KIF6: variants seen among roughly 807,000 people sequenced by gnomAD.
The protein encoded by KIF6 is kinesin-like protein KIF6.
KIF6 carries 106 observed loss-of-function variants against 112.7 expected under a neutral mutation model. The ratio of observed to expected loss-of-function variants is 0.94; its 90% CI spans 0.80 to 1.11. KIF6 has a LOEUF of 1.11. KIF6 is among the 50% of genes least tolerant of loss of function. The pLI, the probability that KIF6 is intolerant of heterozygous loss-of-function variation, is 0.00. For synonymous variants in KIF6, 339 were observed against 339.9 expected (o/e 1.00, Z 0.03); for missense variants, 929 against 964.0 (o/e 0.96, Z 0.48).
chr6:39,704,106 C>T (rs1789041759), intron 3 of KIF6, among the ~76,000 whole-genome samples: 1 of 152,060 alleles, frequency 6.6e-6, no homozygotes, highest in African/African-American at 2.4e-5. Context: ...GAAAAACATT[C>T]ATAACTTGGT....
chr6:39,603,301 G>T, intron 6 of KIF6, among the ~76,000 whole-genome samples: 1 of 152,116 alleles, frequency 6.6e-6, no homozygotes, highest in South Asian at 2.1e-4. Flanking sequence ...ATGCTGCTTT[G>T]TTAGGACACT....
intron 3 of KIF6, among the ~76,000 whole-genome samples, chr6:39,670,254 C>T (rs998132962): frequency 1.3e-5 from 2 of 152,170 alleles, no homozygotes; most frequent in Non-Finnish European, 1.5e-5. Context: ...CTGTTTTAGA[C>T]TACAGATATT....
chr6:39,541,407 C>A (rs1778779221), intron 12 of KIF6, among the ~76,000 whole-genome samples: 1 of 152,228 alleles, frequency 6.6e-6, no homozygotes, highest in Admixed American at 6.5e-5. Flanking sequence ...AAGAACAGGG[C>A]TCTGGCCGAA....
intron 14 of KIF6, among the ~76,000 whole-genome samples, chr6:39,429,712 T>G (rs767301987): frequency 6.6e-6 from 1 of 152,082 alleles, no homozygotes; most frequent in African/African-American, 2.4e-5. Flanking sequence ...GATGAGACCA[T>G]CGTGGCTAAC....
At chr6:39,671,194 TG>T (rs918001911) in intron 3 of KIF6, among the ~76,000 whole-genome samples, 22 of 152,282 alleles carry the variant, frequency 1.4e-4, no homozygotes, top group Middle Eastern at 6.8e-3. Context: ...TTACTTCCGT[TG>T]GGGTGACTGG....
chr6:39,382,154 T>C lies in KIF6; in HGVS notation c.1861+3468A>G, dbSNP rs189019219. 3.5e-3 allele frequency among the ~76,000 whole-genome samples: 537 copies of C among 152,358 alleles called. 1 individual carries two copies. Among genetic ancestry groups the C allele is most frequent in the Middle Eastern group, 0.014 (4 of 294 alleles). On this transcript the variant is annotated intron_variant, in intron 16 of 22. Coordinates refer to ENST00000287152, the MANE Select transcript of KIF6 (RefSeq NM_145027.6). ...GTGGTATTTTTCACATCATTGTTTGTTTATTTTTAAATTTCCATTTTTAAA... is the reference window on the plus strand; with the variant it reads ...GTGGTATTTTTCACATCATTGTTTGCTTATTTTTAAATTTCCATTTTTAAA...
At chr6:39,616,083 TA>T (rs1194335789) in intron 5 of KIF6, among the ~76,000 whole-genome samples, 2 of 152,260 alleles carry the variant, frequency 1.3e-5, no homozygotes, top group Non-Finnish European at 2.9e-5. Flanking sequence ...TATGGAATTC[TA>T]AGCATGCTCA....
At chr6:39,372,351 C>A (rs905468046) in intron 16 of KIF6, among the ~76,000 whole-genome samples, 1 of 152,146 alleles carries the variant, frequency 6.6e-6, no homozygotes, top group African/African-American at 2.4e-5. Flanking sequence ...TAAGTCCCTA[C>A]CAAAAATTAC....
At chr6:39,631,508 T>G (rs1582316547) in intron 5 of KIF6, among the ~76,000 whole-genome samples, 1 of 152,124 alleles carries the variant, frequency 6.6e-6, no homozygotes, top group African/African-American at 2.4e-5. Context: ...TAAATACTAT[T>G]TCTGAGCTTC....
chr6:39,440,383 TGC>T (rs956158947), intron 13 of KIF6, among the ~76,000 whole-genome samples: 5 of 152,080 alleles, frequency 3.3e-5, no homozygotes, highest in African/African-American at 1.2e-4. Context: ...AATCTGGAGG[TGC>T]ATACAAGAAT....
At chr6:39,643,737 G>C (rs1235252671) in intron 3 of KIF6, among the ~76,000 whole-genome samples, 1 of 152,050 alleles carries the variant, frequency 6.6e-6, no homozygotes, top group African/African-American at 2.4e-5. Flanking sequence ...GAAAACTTAG[G>C]AGTAAATCTT....
At position 39,567,743 on chromosome 6, in the gene KIF6, G is replaced by A. The variant is rs60697193; in HGVS notation, c.1181+10313C>T. On this transcript the variant is annotated intron_variant, in intron 10 of 22. Transcript: ENST00000287152. ...CTGCCTCAGCCTCCCGAGTAGCTGGGACTACAGGCACCCACCACCGCGCCT... is the reference window on the plus strand; with the variant it reads ...CTGCCTCAGCCTCCCGAGTAGCTGGAACTACAGGCACCCACCACCGCGCCT... Among the ~76,000 whole-genome samples the A allele has an allele frequency of 2.6e-4, 40 of 152,218 alleles. 1 individual carries two copies. The East Asian group carries it at 7.7e-3, about 29-fold the overall frequency.
intron 22 of KIF6, among the ~76,000 whole-genome samples, chr6:39,339,671 T>C (rs1763213104): frequency 6.6e-6 from 1 of 151,674 alleles, no homozygotes; most frequent in African/African-American, 2.4e-5. Flanking sequence ...TCCTCAGACA[T>C]AAAAACTGTC....
At chr6:39,433,704 C>T (rs764244792) in intron 13 of KIF6, among the ~76,000 whole-genome samples, 7 of 152,170 alleles carry the variant, frequency 4.6e-5, no homozygotes, top group Admixed American at 6.5e-5. Flanking sequence ...GTGGCTGAAG[C>T]ATAGCTGGAA....
chr6:39,585,301 T>C (rs1222007068), intron 8 of KIF6, among the ~76,000 whole-genome samples: 1 of 152,192 alleles, frequency 6.6e-6, no homozygotes, highest in Non-Finnish European at 1.5e-5. Flanking sequence ...GCGGGCAACC[T>C]AGATCCCTCG....
intron 19 of KIF6, among the ~76,000 whole-genome samples, chr6:39,352,013 A>G (rs1257995519): frequency 2.0e-5 from 3 of 152,214 alleles, no homozygotes; most frequent in African/African-American, 7.2e-5. Flanking sequence ...AGGTGAATGC[A>G]TGGAGTGGGC....
intron 10 of KIF6, among the ~76,000 whole-genome samples, chr6:39,568,025 A>G (rs2150611736): frequency 1.3e-5 from 2 of 152,340 alleles, no homozygotes; most frequent in Middle Eastern, 6.8e-3. Context: ...AGCGCCAGGC[A>G]GAGTATTCAC....
At chr6:39,483,375 C>T (rs916106088) in intron 13 of KIF6, among the ~76,000 whole-genome samples, 6 of 152,200 alleles carry the variant, frequency 3.9e-5, no homozygotes, top group African/African-American at 1.4e-4. Context: ...CTTCCTCCAT[C>T]TCTTGCTTGT....
rs537248888 is a variant in KIF6 at position 39,524,721 on chromosome 6, G to A, written c.1645+15282C>T. Among the ~76,000 whole-genome samples, 177 of 152,290 alleles carry A rather than the reference G, an allele frequency of 1.2e-3. 1 individual carries two copies. The highest frequency in any genetic ancestry group is 0.01 in the Middle Eastern group (3 of 294). On this transcript the variant is annotated intron_variant, in intron 13 of 22. Coordinates refer to ENST00000287152, the MANE Select transcript of KIF6 (RefSeq NM_145027.6). ...CAGAGCCCCTTGTTAGGTCAACTGAGGCTGTTGTCAGCTGGCAAAGTTGCA... is the reference window on the plus strand; with the variant it reads ...CAGAGCCCCTTGTTAGGTCAACTGAAGCTGTTGTCAGCTGGCAAAGTTGCA...
Sources: allele counts gnomAD v4.1 joint callset (sites outside exome capture counted in the v4.1 genomes callset), GRCh38; gene constraint gnomAD v4.1.1; transcripts MANE v1.5; gene names NCBI Gene and HGNC (gene_info 2026-07-23, HGNC 2026-07-21).